The following TFEC variants were observed in gnomAD, a reference collection of about 807,000 sequenced individuals.
TFEC encodes transcription factor EC, also known as class E basic helix-loop-helix protein 34.
TFEC carries 31 observed loss-of-function variants against 41.6 expected under a neutral mutation model. The ratio of observed to expected loss-of-function variants is 0.74; its 90% CI spans 0.56 to 1.01. The LOEUF is 1.01. Ranked by LOEUF, TFEC falls within the 50% of genes least tolerant of loss-of-function variation. The pLI, the probability that TFEC is intolerant of heterozygous loss-of-function variation, is 0.00. For missense variants in TFEC, 402 were observed against 404.1 expected (o/e 0.99, Z 0.04); for synonymous variants, 143 against 140.6 (o/e 1.02, Z -0.12).
chr7:116,032,088 A>G (rs909920845), upstream of TFEC, among the ~76,000 whole-genome samples: 5 of 152,270 alleles, frequency 3.3e-5, no homozygotes, highest in Admixed American at 6.5e-5. Flanking sequence ...CGAGCTTCAG[A>G]AGGTAAATTT....
intron 1 of TFEC, among the ~76,000 whole-genome samples, chr7:116,030,203 A>C (rs1396887882): frequency 2.6e-5 from 4 of 152,216 alleles, no homozygotes; most frequent in Non-Finnish European, 5.9e-5. Flanking sequence ...CTATTTTGCT[A>C]TAAATAGAGC....
chr7:116,051,913 G>A (rs1473630226), intron 3 of TFEC, among the ~76,000 whole-genome samples: 1 of 151,890 alleles, frequency 6.6e-6, no homozygotes, highest in Non-Finnish European at 1.5e-5. Flanking sequence ...GGTTCTCAGG[G>A]CCTTATGCAG....
chr7:116,050,481 G>A (rs574644823), intron 3 of TFEC, among the ~76,000 whole-genome samples: 9 of 152,292 alleles, frequency 5.9e-5, no homozygotes, highest in East Asian at 5.8e-4. Flanking sequence ...CAAAAAGTGG[G>A]TGAAGGATAT....
chr7:116,108,033 A>G (rs1797760948), intron 3 of TFEC, among the ~76,000 whole-genome samples: 1 of 152,206 alleles, frequency 6.6e-6, no homozygotes, highest in Admixed American at 6.5e-5. Context: ...CAAAGATTAT[A>G]GAACTCAGAA....
chr7:116,037,301 C>A (rs1038630613), intron 3 of TFEC, among the ~76,000 whole-genome samples: 5 of 151,956 alleles, frequency 3.3e-5, no homozygotes, highest in African/African-American at 9.7e-5. Context: ...AACTTCTAAT[C>A]TGTTAAATCT....
chr7:115,952,621 C>T (rs1584571806), intron 5 of TFEC, among the ~76,000 whole-genome samples: 1 of 151,990 alleles, frequency 6.6e-6, no homozygotes, highest in African/African-American at 2.4e-5. Flanking sequence ...AGGTAGTAGT[C>T]TATGAATTTT....
In TFEC at chr7:116,138,625, A is replaced by G. The variant is rs559747396; in HGVS notation, c.-69+21165T>C. Among the ~76,000 whole-genome samples the G allele has an allele frequency of 9.2e-5, 14 of 152,346 alleles. No individual in the cohort carries two copies. In the South Asian group the frequency reaches 2.9e-3, roughly 32 times the overall value. ...TTTAAGAAGCAATTAAAGAACATGT[A>G]TATCTTCTTTTCTGAAATGCATTTA... On this transcript the variant is annotated intron_variant, in intron 1 of 8. Transcript: ENST00000484212.
intron 3 of TFEC, among the ~76,000 whole-genome samples, chr7:115,959,032 C>A (rs1207950338): frequency 1.3e-5 from 2 of 151,756 alleles, no homozygotes; most frequent in Non-Finnish European, 2.9e-5. Flanking sequence ...GTATAAGTAA[C>A]TTAGGTAATA....
intron 1 of TFEC, among the ~76,000 whole-genome samples, chr7:116,151,472 T>C (rs931701681): frequency 6.6e-6 from 1 of 151,900 alleles, no homozygotes; most frequent in Non-Finnish European, 1.5e-5. Flanking sequence ...TGAACTCTTG[T>C]CCTCAAGTGA....
At chr7:116,085,213 G>T (rs1797175936) in intron 3 of TFEC, among the ~76,000 whole-genome samples, 1 of 151,792 alleles carries the variant, frequency 6.6e-6, no homozygotes, top group African/African-American at 2.4e-5. Context: ...CTTGGGACTA[G>T]ATTAGAAAGA....
At chr7:116,039,743 T>A (rs1795991648) in intron 3 of TFEC, among the ~76,000 whole-genome samples, 1 of 150,760 alleles carries the variant, frequency 6.6e-6, no homozygotes, top group African/African-American at 2.5e-5. Flanking sequence ...CTATTTTGAG[T>A]TTTTTTATTC....
chr7:116,142,351 A>G (rs1195975285), intron 1 of TFEC, among the ~76,000 whole-genome samples: 1 of 152,196 alleles, frequency 6.6e-6, no homozygotes, highest in Non-Finnish European at 1.5e-5. Flanking sequence ...AAGAATACTG[A>G]TAAGACTCGA....
intron 1 of TFEC, among the ~76,000 whole-genome samples, chr7:116,152,843 A>C (rs1033357839): frequency 1.3e-5 from 2 of 152,220 alleles, no homozygotes; most frequent in Non-Finnish European, 2.9e-5. Context: ...TCGATATCCA[A>C]GCAAAAATTA....
intron 3 of TFEC, among the ~76,000 whole-genome samples, chr7:116,082,805 T>A (rs74658189): frequency 0.02 from 3,111 of 152,004 alleles, 106 homozygotes; most frequent in African/African-American, 0.07. Flanking sequence ...TATTTAAATG[T>A]TTCTAGACCG....
chr7:116,109,993 G>A (rs540695193), intron 3 of TFEC, among the ~76,000 whole-genome samples: 28 of 152,082 alleles, frequency 1.8e-4, no homozygotes, highest in African/African-American at 6.0e-4. Context: ...ACCAAACACC[G>A]CATGTTCTCA....
At chr7:115,988,345 G>A (rs1225052361) in intron 1 of TFEC, among the ~76,000 whole-genome samples, 1 of 151,798 alleles carries the variant, frequency 6.6e-6, no homozygotes, top group Non-Finnish European at 1.5e-5. Context: ...GAGCAGATGG[G>A]CAATGCAAAC....
chr7:115,993,235 C>A (rs1270722643), intron 1 of TFEC, among the ~76,000 whole-genome samples: 1 of 152,146 alleles, frequency 6.6e-6, no homozygotes, highest in South Asian at 2.1e-4. Flanking sequence ...TTATGACAAA[C>A]CCACAGCCAA....
intron 3 of TFEC, among the ~76,000 whole-genome samples, chr7:116,067,750 C>T (rs1275656079): frequency 6.6e-6 from 1 of 151,972 alleles, no homozygotes; most frequent in Non-Finnish European, 1.5e-5. Flanking sequence ...CCATAATGGA[C>T]TATGTCCTTG....
chr7:116,044,854 T>C (rs1388556059), intron 3 of TFEC, among the ~76,000 whole-genome samples: 1 of 152,246 alleles, frequency 6.6e-6, no homozygotes, highest in Non-Finnish European at 1.5e-5. Flanking sequence ...ATGAGGTTTT[T>C]TCCCCCAAAT....
Sources: gnomAD v4.1 joint callset for allele counts (sites outside exome capture counted in the v4.1 genomes callset) on GRCh38, gnomAD v4.1.1 for gene constraint, MANE v1.5 for transcripts, NCBI Gene and HGNC (gene_info 2026-07-23, HGNC 2026-07-21) for gene names.